The following PCNT variants were observed in gnomAD, a reference collection of about 807,000 sequenced individuals.
The protein encoded by PCNT is pericentrin.
In PCNT, 319 loss-of-function variants were observed where a neutral mutation model predicts 380.4. That is an observed-to-expected ratio of 0.84 (90% CI 0.77 to 0.92). The LOEUF (loss-of-function observed/expected upper bound fraction) is 0.92, where lower values mean the gene tolerates loss of function less well. PCNT is among the 40% of genes least tolerant of loss of function. The pLI is 0.00. For synonymous variants in PCNT, 1,845 were observed against 1,735.2 expected (o/e 1.06, Z -1.57); for missense variants, 4,400 against 4,255.3 (o/e 1.03, Z -0.95).
chr21:46,400,898 C>T (rs2086402187), intron 25 of PCNT, among the ~76,000 whole-genome samples: 1 of 152,188 alleles, frequency 6.6e-6, no homozygotes, highest in African/African-American at 2.4e-5. Context: ...TGTTTCCGTT[C>T]CGCTGTCGCA....
chr21:46,400,347 G>A (rs191572738), intron 25 of PCNT, among the ~76,000 whole-genome samples: 28 of 152,234 alleles, frequency 1.8e-4, no homozygotes, highest in African/African-American at 6.5e-4. Context: ...TCTGGGTAGC[G>A]GCTGTGCCCT....
intron 32 of PCNT, among the ~76,000 whole-genome samples, chr21:46,422,461 C>G (rs568514139): frequency 5.6e-5 from 8 of 143,098 alleles, no homozygotes; most frequent in African/African-American, 2.3e-4. Flanking sequence ...GTAGAGAAGC[C>G]GAGGCACCAG....
chr21:46,425,524 A>T lies in PCNT; in HGVS notation c.7180-307A>T, dbSNP rs1448807831. 6.6e-6 allele frequency among the ~76,000 whole-genome samples: 1 copy of T among 152,034 alleles called. No individual in the cohort carries two copies. The highest frequency in any genetic ancestry group is 1.5e-5 in the Non-Finnish European group (1 of 68,004). On this transcript the variant is annotated intron_variant, in intron 32 of 46. Coordinates refer to ENST00000359568, the MANE Select transcript of PCNT (RefSeq NM_006031.6). The surrounding 1 kb of genome is among the most constrained non-coding windows in gnomAD (Gnocchi z 4.2). ...AGCTTTGTCCAGGCTTAGGCGGGGG[A>T]CGGTGTCCCCCTCAGGGAGCAGGTG...
intron 34 of PCNT, 99 bp from the exon 35 acceptor site, chr21:46,428,296 T>C (rs568007510): frequency 1.9e-5 from 21 of 1,081,756 alleles, no homozygotes; most frequent in South Asian, 1.9e-4. Flanking sequence ...CTCAGCAGGC[T>C]TGTCCCGGCG....
At chr21:46,437,379 C>T (rs1440373737) in intron 40 of PCNT, among the ~76,000 whole-genome samples, 4 of 151,894 alleles carry the variant, frequency 2.6e-5, no homozygotes, top group African/African-American at 4.8e-5. Context: ...TGGGATGCTG[C>T]GTGACTGGTA....
chr21:46,423,835 A>AGGGGGG (rs2087373958), intron 32 of PCNT, among the ~76,000 whole-genome samples: 3 of 9,678 alleles, frequency 3.1e-4, no homozygotes, highest in African/African-American at 7.8e-4. Flanking sequence ...GGGGAGGGGG[A>AGGGGGG]GGGGAGAGGG....
At chr21:46,357,240 T>C in intron 13 of PCNT, 49 bp downstream of exon 13, 1 of 1,306,878 alleles carries the variant, frequency 7.7e-7, no homozygotes, top group Non-Finnish European at 1.1e-6. Flanking sequence ...GTCCTTGCTC[T>C]CTTCCACCTG....
chr21:46,440,883 G>A lies in PCNT; in HGVS notation c.9422G>A (p.Arg3141Lys). Reference protein sequence around the residue: ...KMEKLYLHYLRAESFRKALIY... With the variant: ...KMEKLYLHYLKAESFRKALIY... ...GAAAAATTGTACCTGCATTACTTGA[G>A]AGCAGAGAGCTTTAGAAAAGCTCTG... Residue 3141 changes from arginine (R) to lysine (K), a missense_variant, in exon 43 of 47, where the codon AGA becomes AAA. By Grantham distance (26) the Arg-to-Lys change is conservative. Transcript: ENST00000359568. The A allele has an allele frequency of 6.2e-7, 1 of 1,611,592 alleles. No individual in the cohort carries two copies. The highest frequency in any genetic ancestry group is 8.5e-7 in the Non-Finnish European group (1 of 1,177,694).
chr21:46,346,906 T>C lies in PCNT; in HGVS notation c.884T>C (p.Leu295Pro), dbSNP rs1199484474. 4 of 1,604,264 alleles carry C rather than the reference T, an allele frequency of 2.5e-6. No individual in the cohort carries two copies. Among genetic ancestry groups the C allele is most frequent in the South Asian group, 1.1e-5 (1 of 88,966 alleles). Residue 295 changes from leucine (L) to proline (P), a missense_variant, in exon 5 of 47, where the codon CTA (leucine) becomes CCA (proline). Physicochemically the swap from Leu to Pro is moderately conservative, Grantham distance 98. Coordinates refer to ENST00000359568, the MANE Select transcript of PCNT (RefSeq NM_006031.6). The part of the protein sequence containing the change: ...NSRRAQELAL[L>P]QSRQQHELEL... ...CGGCGTGCCCAGGAGCTGGCCCTGC[T>C]ACAGAGCAGGCAGCAGCACGAGCTG...
At chr21:46,400,540 A>C (rs2086386624) in intron 25 of PCNT, among the ~76,000 whole-genome samples, 1 of 99,200 alleles carries the variant, frequency 1.0e-5, no homozygotes. Flanking sequence ...TTTTTTTGAG[A>C]CAGAGTCTTG....
At chr21:46,356,778 A>G (rs1393209733) in intron 12 of PCNT, among the ~76,000 whole-genome samples, 196 bp from the exon 13 acceptor site, 1 of 152,218 alleles carries the variant, frequency 6.6e-6, no homozygotes, top group Non-Finnish European at 1.5e-5. Flanking sequence ...CTGGGGCAGC[A>G]TGGAGGTGTC....
At chr21:46,429,972 C>T (rs750360842) in intron 35 of PCNT, 38 bp from the exon 36 acceptor site, 18 of 1,549,004 alleles carry the variant, frequency 1.2e-5, no homozygotes, top group Admixed American at 3.4e-5. Flanking sequence ...GCACGAGGAG[C>T]TCATGGGGGC....
intron 3 of PCNT, among the ~76,000 whole-genome samples, chr21:46,336,573 C>T (rs558917985): frequency 6.6e-6 from 1 of 152,188 alleles, no homozygotes; most frequent in African/African-American, 2.4e-5. Context: ...GTTGGTGCCG[C>T]AGGCTCATCG....
intron 45 of PCNT, 93 bp from the exon 46 acceptor site, chr21:46,444,601 T>G: frequency 6.8e-7 from 1 of 1,460,164 alleles, no homozygotes; most frequent in South Asian, 1.2e-5. Flanking sequence ...GGCTGGTGCC[T>G]TTCTTCTGCA....
At chr21:46,412,299 G>GT (rs1405815612) in intron 28 of PCNT, among the ~76,000 whole-genome samples, 2 of 152,166 alleles carry the variant, frequency 1.3e-5, no homozygotes, top group African/African-American at 4.8e-5. Context: ...TAAGCTTATC[G>GT]TTTTAAGCTT....
intron 13 of PCNT, among the ~76,000 whole-genome samples, chr21:46,357,696 T>TG (rs2084527277): frequency 6.6e-6 from 1 of 152,186 alleles, no homozygotes. Flanking sequence ...CCTACAGTGC[T>TG]GGGATTACAG....
chr21:46,417,619 T>G (rs2087084207), intron 30 of PCNT, among the ~76,000 whole-genome samples: 1 of 152,156 alleles, frequency 6.6e-6, no homozygotes, highest in African/African-American at 2.4e-5. Flanking sequence ...AAATTAAAAA[T>G]CAGGTATGGT....
At chr21:46,406,299 A>C (rs1416208786) in intron 27 of PCNT, among the ~76,000 whole-genome samples, 1 of 152,144 alleles carries the variant, frequency 6.6e-6, no homozygotes, top group Non-Finnish European at 1.5e-5. Context: ...ATGTTTCTTT[A>C]ATTTTACCAT....
At chr21:46,414,385 T>C (rs2086923984) in intron 29 of PCNT, among the ~76,000 whole-genome samples, 1 of 151,238 alleles carries the variant, frequency 6.6e-6, no homozygotes. Context: ...CCCACCCTTC[T>C]CCTCCTTCTC....
Sources: allele counts gnomAD v4.1 joint callset (sites outside exome capture counted in the v4.1 genomes callset), GRCh38; gene constraint gnomAD v4.1.1; non-coding constraint Gnocchi (gnomAD v3.1); transcripts MANE v1.5; gene names NCBI Gene and HGNC (gene_info 2026-07-23, HGNC 2026-07-21).